DNAJC18: variants seen among roughly 807,000 people sequenced by gnomAD.
The protein encoded by DNAJC18 is dnaJ homolog subfamily C member 18.
Under a neutral mutation model 48.6 loss-of-function variants are expected in DNAJC18, and 40 were observed. That is an observed-to-expected ratio of 0.82 (90% CI 0.64 to 1.07). The LOEUF is 1.07. Ranked by LOEUF, DNAJC18 falls within the 50% of genes least tolerant of loss-of-function variation. The probability of loss-of-function intolerance (pLI) is 0.00; values close to 1 mark genes in which losing one functional copy is unlikely to be tolerated. For synonymous variants in DNAJC18, 135 were observed against 152.2 expected (o/e 0.89, Z 0.83); for missense variants, 340 against 427.7 (o/e 0.79, Z 1.81).
intron 6 of DNAJC18, chr5:139,420,432 T>G (rs1157030932): frequency 9.6e-6 from 5 of 520,784 alleles, no homozygotes; most frequent in Non-Finnish European, 1.6e-5. Context: ...GTTCATACTA[T>G]GAATTCAGCT....
chr5:139,420,234 A>G lies in DNAJC18; in HGVS notation c.780-9T>C. ...TGGTGTAGCCCAAGGTCCTGAAACA[A>G]GGAGAGAGAGGCTCATGTGAGCTCA... On this transcript the variant is annotated splice_polypyrimidine_tract_variant and intron_variant, in intron 6 of 7. Coordinates refer to ENST00000302060, the MANE Select transcript of DNAJC18 (RefSeq NM_152686.4). The G allele has an allele frequency of 6.2e-7, 1 of 1,600,222 alleles. No individual in the cohort carries two copies. The highest frequency in any genetic ancestry group is 8.5e-7 in the Non-Finnish European group (1 of 1,176,248).
chr5:139,418,187 T>C (rs150223872), intron 7 of DNAJC18, among the ~76,000 whole-genome samples: 6 of 152,322 alleles, frequency 3.9e-5, no homozygotes, highest in Admixed American at 2.0e-4. Flanking sequence ...TGCCTTTTTA[T>C]TGAGACAGGA....
chr5:139,413,274 A>G lies in DNAJC18; in HGVS notation c.*874T>C, dbSNP rs1759019791. On this transcript the variant is annotated 3_prime_UTR_variant, in exon 8 of 8. Coordinates refer to ENST00000302060, the MANE Select transcript of DNAJC18 (RefSeq NM_152686.4). ...CTCCTCTATCTCTAGGCTTGAGCAA[A>G]CAGCCTGGAGAGCTGGCAATGCCTC... The G allele has an allele frequency of 6.0e-6, 1 of 165,750 alleles. No homozygotes were observed. The allele number at this position is 165,750 out of a possible 1,614,324, so 10.3% of individuals were successfully genotyped here.
rs1759006190 is a variant in DNAJC18 at position 139,412,265 on chromosome 5, T to C, written c.*1883A>G. 6.5e-6 allele frequency: 1 copy of C among 153,180 alleles called. No homozygotes were observed. The highest frequency in any genetic ancestry group is 2.4e-5 in the African/African-American group (1 of 41,474). The allele number at this position is 153,180 out of a possible 1,614,324, so 9.5% of individuals were successfully genotyped here. On this transcript the variant is annotated 3_prime_UTR_variant, in exon 8 of 8. Coordinates refer to ENST00000302060, the MANE Select transcript of DNAJC18 (RefSeq NM_152686.4). ...GCATTGGGATGAAGAAACTTTACTT[T>C]GGAATCTGTTTAATGTAGACTCTTT... is the stretch of plus-strand genomic sequence containing the variant.
At position 139,410,725 on chromosome 5, in the gene DNAJC18, C is replaced by T. The variant is rs1758981973; in HGVS notation, c.*3423G>A. 6.6e-6 allele frequency: 1 copy of T among 152,002 alleles called. No individual in the cohort carries two copies. The allele number at this position is 152,002 out of a possible 1,614,324, so 9.4% of individuals were successfully genotyped here. ...ACATAGCTTGGCCAGGCTGCTGGAA[C>T]CCATGTTCCAGTGGCATCTGGAGTT... On this transcript the variant is annotated 3_prime_UTR_variant, in exon 8 of 8. Coordinates refer to ENST00000302060, the MANE Select transcript of DNAJC18 (RefSeq NM_152686.4).
rs975514356 is a variant in DNAJC18, at chr5:139,410,759, TTTC to T, written c.*3386_*3388del. On this transcript the variant is annotated 3_prime_UTR_variant, in exon 8 of 8. Transcript: ENST00000302060. ...CAGTGGCATCTGGAGTTCACTGTAT[TTTC>T]TTTTTTCTTTCTTTTTTTTTTTTTG... is the stretch of plus-strand genomic sequence containing the variant. The T allele has an allele frequency of 3.3e-5, 5 of 153,176 alleles. No individual in the cohort carries two copies. Among genetic ancestry groups the T allele is most frequent in the African/African-American group, 7.2e-5 (3 of 41,390 alleles). The allele number at this position is 153,176 out of a possible 1,614,324, so 9.5% of individuals were successfully genotyped here. A position where few individuals can be genotyped will look rare whatever the true frequency, so the allele number is the denominator to read the frequency against.
At chr5:139,416,730 C>G (rs1038655475) in intron 7 of DNAJC18, among the ~76,000 whole-genome samples, 2 of 152,244 alleles carry the variant, frequency 1.3e-5, no homozygotes, top group Non-Finnish European at 2.9e-5. Flanking sequence ...GCCAGGAGCT[C>G]AGCTCAGCTC....
At chr5:139,415,929 T>C (rs1759063176) in intron 7 of DNAJC18, among the ~76,000 whole-genome samples, 1 of 152,258 alleles carries the variant, frequency 6.6e-6, no homozygotes, top group African/African-American at 2.4e-5. Context: ...AGTGACTCTT[T>C]ATATTTTCTA....
chr5:139,439,268 C>G lies in DNAJC18; in HGVS notation c.40+138G>C. 7.1e-7 allele frequency: 1 copy of G among 1,410,470 alleles called. No individual in the cohort carries two copies. Among genetic ancestry groups the G allele is most frequent in the South Asian group, 1.2e-5 (1 of 81,444 alleles). The allele number at this position is 1,410,470 out of a possible 1,614,324, so 87.4% of individuals were successfully genotyped here. A position where few individuals can be genotyped will look rare whatever the true frequency, so the allele number is the denominator to read the frequency against. ...CTTCCCTACCCCATCCGCAACCCTA[C>G]TCAGGCTCAGCATCTTTTCACAGGC... On this transcript the variant is annotated intron_variant, in intron 1 of 7. Coordinates refer to ENST00000302060, the MANE Select transcript of DNAJC18 (RefSeq NM_152686.4). The surrounding 1 kb of genome is among the most constrained non-coding windows in gnomAD (Gnocchi z 4.1).
In DNAJC18 at chr5:139,411,490, G is replaced by T. The variant is rs1758994425; in HGVS notation, c.*2658C>A. On this transcript the variant is annotated 3_prime_UTR_variant, in exon 8 of 8. Transcript: ENST00000302060. The stretch of plus-strand genomic sequence containing the variant: ...TGTATGATCAGGAGATCTTCCAAAG[G>T]ACGTAGGCGAGAGGAAAAAGCTTAT... 1 of 152,194 alleles carries T rather than the reference G, an allele frequency of 6.6e-6. No individual in the cohort carries two copies. The highest frequency in any genetic ancestry group is 2.1e-4 in the South Asian group (1 of 4,830). 9.4% of individuals were successfully genotyped at this position (152,194 alleles called of 1,614,324 possible). A position where few individuals can be genotyped will look rare whatever the true frequency, so the allele number is the denominator to read the frequency against.
chr5:139,437,333 T>G (rs1750690604), intron 2 of DNAJC18, 39 bp downstream of exon 2: 1 of 1,555,858 alleles, frequency 6.4e-7, no homozygotes. Context: ...TCTAAGCACT[T>G]TCCATAAAAT....
chr5:139,419,123 A>C, intron 7 of DNAJC18: 1 of 450,392 alleles, frequency 2.2e-6, no homozygotes, highest in Non-Finnish European at 4.4e-6. Context: ...GAAATGAGTC[A>C]GAATTTGCTT....
chr5:139,431,926 G>A (rs976396119), intron 2 of DNAJC18, among the ~76,000 whole-genome samples: 1 of 152,140 alleles, frequency 6.6e-6, no homozygotes, highest in African/African-American at 2.4e-5. Flanking sequence ...TTTCCCTAAT[G>A]ACTAAAGATG....
chr5:139,420,091 T>A lies in DNAJC18; in HGVS notation c.914A>T (p.Asp305Val), dbSNP rs1759127196. The A allele has an allele frequency of 1.9e-6, 3 of 1,599,042 alleles. No homozygotes were observed. Among genetic ancestry groups the A allele is most frequent in the Non-Finnish European group, 2.6e-6 (3 of 1,175,554 alleles). Reference protein sequence around the residue: ...LEKTIEKDYIDYIQTSCWKEK... With the variant: ...LEKTIEKDYIVYIQTSCWKEK... ...CTTCCAACAACTAGTCTGGATATAATCAATGTAATCCTTCTCTATTGTTTT... is the reference window on the plus strand; with the variant it reads ...CTTCCAACAACTAGTCTGGATATAAACAATGTAATCCTTCTCTATTGTTTT... Residue 305 changes from aspartate to valine, a missense_variant, in exon 7 of 8, where the codon GAT becomes GTT. Coordinates refer to ENST00000302060, the MANE Select transcript of DNAJC18 (RefSeq NM_152686.4).
chr5:139,424,953 T>C, intron 5 of DNAJC18, 52 bp downstream of exon 5: 1 of 1,466,130 alleles, frequency 6.8e-7, no homozygotes, highest in South Asian at 1.1e-5. Flanking sequence ...ACCATCAAGG[T>C]TGGCCAAGTA....
chr5:139,430,630 C>T (rs764102774), intron 2 of DNAJC18, among the ~76,000 whole-genome samples: 7 of 148,590 alleles, frequency 4.7e-5, no homozygotes, highest in Admixed American at 1.4e-4. Context: ...AGTGCAGTGG[C>T]GCGATCCTGG....
At chr5:139,418,879 C>T (rs1438226081) in intron 7 of DNAJC18, 2 of 456,106 alleles carry the variant, frequency 4.4e-6, no homozygotes, top group Non-Finnish European at 8.8e-6. Flanking sequence ...CCCAGACAGT[C>T]CATAGTCTTG....
intron 7 of DNAJC18, among the ~76,000 whole-genome samples, chr5:139,415,453 C>T (rs139820298): frequency 6.6e-6 from 1 of 152,352 alleles, no homozygotes; most frequent in Non-Finnish European, 1.5e-5. Context: ...TGCATAAAAA[C>T]CCTCCCTCTA....
chr5:139,428,737 T>C (rs2152084345), intron 2 of DNAJC18, 54 bp from the exon 3 acceptor site: 4 of 1,551,932 alleles, frequency 2.6e-6, no homozygotes, highest in South Asian at 2.4e-5. Context: ...GTACAACTAA[T>C]TGCAAGATAA....
Sources: allele counts gnomAD v4.1 joint callset (sites outside exome capture counted in the v4.1 genomes callset), GRCh38; gene constraint gnomAD v4.1.1; non-coding constraint Gnocchi (gnomAD v3.1); transcripts MANE v1.5; gene names NCBI Gene and HGNC (gene_info 2026-07-23, HGNC 2026-07-21).